Variants in TMEM17 observed in about 807,000 individuals in gnomAD.
TMEM17 encodes the protein transmembrane protein 17.
Under a neutral mutation model 19.1 loss-of-function variants are expected in TMEM17, and 15 were observed. That is an observed-to-expected ratio of 0.78 (90% confidence interval 0.52 to 1.21). The LOEUF (loss-of-function observed/expected upper bound fraction) is 1.21. TMEM17 is among the 50% of genes most tolerant of loss of function. The pLI, the probability that TMEM17 is intolerant of heterozygous loss-of-function variation, is 0.00. For missense variants in TMEM17, 245 were observed against 242.3 expected (o/e 1.01, Z -0.07); for synonymous variants, 103 against 86.9 (o/e 1.19, Z -1.03).
the TMEM17 span, among the ~76,000 whole-genome samples, chr2:62,485,348 C>A: frequency 6.6e-6 from 1 of 152,142 alleles, no homozygotes; most frequent in Non-Finnish European, 1.5e-5. Flanking sequence ...ACTTCTTTCT[C>A]CCGAAAACCT....
chr2:62,455,339 C>G, the TMEM17 span, among the ~76,000 whole-genome samples: 1 of 152,186 alleles, frequency 6.6e-6, no homozygotes, highest in African/African-American at 2.4e-5. Context: ...CTGCAAATAC[C>G]ACATTTTCAT....
chr2:62,504,011 A>C (rs575445913), intron 1 of TMEM17, among the ~76,000 whole-genome samples: 10 of 152,376 alleles, frequency 6.6e-5, no homozygotes, highest in African/African-American at 2.2e-4. Context: ...GAGCAGACAC[A>C]TATATTGAAA....
the TMEM17 span, among the ~76,000 whole-genome samples, chr2:62,489,526 GTT>G: frequency 6.6e-6 from 1 of 152,088 alleles, no homozygotes; most frequent in African/African-American, 2.4e-5. Flanking sequence ...TTGTATTTTT[GTT>G]TTGTCTTTTT....
the TMEM17 span, among the ~76,000 whole-genome samples, chr2:62,470,192 C>G: frequency 6.6e-6 from 1 of 152,328 alleles, no homozygotes; most frequent in African/African-American, 2.4e-5. Flanking sequence ...GCTGGGGGCA[C>G]CTTTCCTCTG....
the TMEM17 span, among the ~76,000 whole-genome samples, chr2:62,472,034 A>G: frequency 6.6e-6 from 1 of 152,198 alleles, no homozygotes; most frequent in African/African-American, 2.4e-5. Context: ...GTAGTGCTGA[A>G]GCCAACCTTG....
the TMEM17 span, among the ~76,000 whole-genome samples, chr2:62,493,034 T>A: frequency 6.6e-6 from 1 of 151,772 alleles, no homozygotes; most frequent in East Asian, 1.9e-4. Context: ...TTCGTTTGTT[T>A]GTTTGTTTTG....
chr2:62,460,183 C>G, the TMEM17 span, among the ~76,000 whole-genome samples: 1 of 152,214 alleles, frequency 6.6e-6, no homozygotes, highest in Admixed American at 6.5e-5. Flanking sequence ...CATCTACCAG[C>G]GCTGCTGTGA....
chr2:62,487,386 C>T, the TMEM17 span, among the ~76,000 whole-genome samples: 2 of 152,170 alleles, frequency 1.3e-5, no homozygotes, highest in Non-Finnish European at 2.9e-5. Context: ...ATCCAAGATA[C>T]TCTCCTTATT....
At chr2:62,469,804 C>T in the TMEM17 span, among the ~76,000 whole-genome samples, 5 of 152,228 alleles carry the variant, frequency 3.3e-5, no homozygotes, top group African/African-American at 9.6e-5. Flanking sequence ...TTTGAGAAGA[C>T]GCAGTGTCTG....
chr2:62,477,825 C>T, the TMEM17 span, among the ~76,000 whole-genome samples: 3 of 152,220 alleles, frequency 2.0e-5, no homozygotes, highest in Non-Finnish European at 2.9e-5. Flanking sequence ...GCAGAGAAAA[C>T]TTCAGAGCAT....
At chr2:62,487,900 G>C in the TMEM17 span, among the ~76,000 whole-genome samples, 5 of 152,178 alleles carry the variant, frequency 3.3e-5, no homozygotes, top group Non-Finnish European at 7.3e-5. Flanking sequence ...TCACCATGTT[G>C]GCCAGGCTGG....
chr2:62,501,116 A>T lies in TMEM17; in HGVS notation c.*93T>A. ...AGTGAGAGCATATACAATTCAAAACACTTGCTTTGTCCCTTTTCTCAGAGC... is the reference window on the plus strand; with the variant it reads ...AGTGAGAGCATATACAATTCAAAACTCTTGCTTTGTCCCTTTTCTCAGAGC... On this transcript the variant is annotated 3_prime_UTR_variant, in exon 4 of 4. Coordinates refer to ENST00000335390, the MANE Select transcript of TMEM17 (RefSeq NM_198276.3). 7.1e-7 allele frequency: 1 copy of T among 1,416,544 alleles called. No individual in the cohort carries two copies. Among genetic ancestry groups the T allele is most frequent in the Non-Finnish European group, 9.6e-7 (1 of 1,041,872 alleles). 87.7% of individuals were successfully genotyped at this position (1,416,544 alleles called of 1,614,324 possible). A position where few individuals can be genotyped will look rare whatever the true frequency, so the allele number is the denominator to read the frequency against.
At chr2:62,496,595 T>C (rs1194504578), downstream of TMEM17, among the ~76,000 whole-genome samples, 1 of 152,232 alleles carries the variant, frequency 6.6e-6, no homozygotes, top group African/African-American at 2.4e-5. Flanking sequence ...AAAAACTATT[T>C]GCAAAGTAAA....
the TMEM17 span, among the ~76,000 whole-genome samples, chr2:62,492,635 C>G: frequency 1.6e-4 from 25 of 152,326 alleles, no homozygotes; most frequent in East Asian, 4.2e-3. Flanking sequence ...CTTGCTTATT[C>G]CTTCATCTGT....
In TMEM17 at chr2:62,501,505, A is replaced by G. The variant is rs1679930178; in HGVS notation, c.319-18T>C. Reference sequence around the variant, plus strand: ...TCAGGAACCTGCAATGACACATATCAAGAGTAATAAAAATCAGTAAAATAC... The same window carrying G: ...TCAGGAACCTGCAATGACACATATCGAGAGTAATAAAAATCAGTAAAATAC... On this transcript the variant is annotated intron_variant, in intron 3 of 3. Transcript: ENST00000335390. 1.3e-6 allele frequency: 2 copies of G among 1,593,862 alleles called. No homozygotes were observed. Among genetic ancestry groups the G allele is most frequent in the Non-Finnish European group, 1.7e-6 (2 of 1,172,030 alleles).
intron 1 of TMEM17, among the ~76,000 whole-genome samples, chr2:62,503,030 A>G (rs1414365865): frequency 6.6e-6 from 1 of 152,206 alleles, no homozygotes; most frequent in African/African-American, 2.4e-5. Context: ...TTTTGCCATT[A>G]CAGTCTTCTG....
the TMEM17 span, among the ~76,000 whole-genome samples, chr2:62,478,334 C>G: frequency 8.5e-5 from 13 of 152,150 alleles, no homozygotes; most frequent in African/African-American, 2.7e-4. Context: ...TTCCCTGCAG[C>G]TCAGGGAAGG....
chr2:62,505,825 G>C (rs1324228190), intron 1 of TMEM17, among the ~76,000 whole-genome samples: 1 of 152,134 alleles, frequency 6.6e-6, no homozygotes. Flanking sequence ...ACCACGCGGA[G>C]ACCAGGCCCG....
At chr2:62,505,822 G>A (rs1351736172) in intron 1 of TMEM17, among the ~76,000 whole-genome samples, 2 of 152,154 alleles carry the variant, frequency 1.3e-5, no homozygotes, top group African/African-American at 4.8e-5. Context: ...AGCACCACGC[G>A]GAGACCAGGC....
Sources: gnomAD v4.1 joint callset for allele counts (sites outside exome capture counted in the v4.1 genomes callset) on GRCh38, gnomAD v4.1.1 for gene constraint, MANE v1.5 for transcripts, NCBI Gene and HGNC (gene_info 2026-07-23, HGNC 2026-07-21) for gene names.